CSTF3: variants seen among roughly 807,000 people sequenced by gnomAD.
CSTF3 encodes the protein CF-1 77 kDa subunit.
A neutral mutation model predicts 105.8 loss-of-function variants in CSTF3; 29 were observed. That is an observed-to-expected ratio of 0.27 (90% CI 0.20 to 0.37). CSTF3 has a LOEUF of 0.37. Among genes scored for constraint, CSTF3 ranks in the 10% least tolerant of loss-of-function variants. The pLI, the probability that CSTF3 is intolerant of heterozygous loss-of-function variation, is 1.00. For synonymous variants in CSTF3, 252 were observed against 281.9 expected, an observed-to-expected ratio of 0.89 and a Z score of 1.06; for missense variants, 357 against 879.3, an observed-to-expected ratio of 0.41 and a Z score of 7.51.
rs530315911 is a variant in CSTF3, at chr11:33,128,026, C to A, written c.225+13641G>T. Among the ~76,000 whole-genome samples, 19 of 152,092 alleles carry A rather than the reference C, an allele frequency of 1.2e-4. No individual in the cohort carries two copies. The East Asian group carries it at 2.9e-3, about 23-fold the overall frequency. ...TAAAATAAGCAATCTTTTTTCTGTA[C>A]AAAATAAGTCAATTTAGAAACTGTA... On this transcript the variant is annotated intron_variant, in intron 3 of 20. Transcript: ENST00000323959.
chr11:33,114,395 A>T (rs939361301), intron 3 of CSTF3, among the ~76,000 whole-genome samples: 2 of 152,164 alleles, frequency 1.3e-5, no homozygotes, highest in African/African-American at 4.8e-5. Context: ...GAGAAATAAA[A>T]CTCTATGTCA....
chr11:33,132,649 T>C (rs536058393), intron 3 of CSTF3, among the ~76,000 whole-genome samples: 18 of 152,332 alleles, frequency 1.2e-4, no homozygotes, highest in African/African-American at 3.6e-4. Context: ...TTGGCAAATA[T>C]TCCCATGGAT....
chr11:33,105,199 C>T (rs893498793), intron 8 of CSTF3, among the ~76,000 whole-genome samples: 3 of 152,196 alleles, frequency 2.0e-5, no homozygotes, highest in South Asian at 4.1e-4. Flanking sequence ...CATCACATCA[C>T]TGTAATCAGG....
intron 1 of CSTF3, among the ~76,000 whole-genome samples, chr11:33,161,012 A>G (rs1849933481): frequency 6.6e-6 from 1 of 152,232 alleles, no homozygotes; most frequent in Non-Finnish European, 1.5e-5. Flanking sequence ...AACGATATCA[A>G]AGGAAAGCAT....
rs1484335393 is a variant in CSTF3 at position 33,099,016 on chromosome 11, C to G, written c.1053+18G>C. The G allele has an allele frequency of 9.6e-6, 15 of 1,559,574 alleles. No homozygotes were observed. Among genetic ancestry groups the G allele is most frequent in the Admixed American group, 4.8e-5 (2 of 41,878 alleles). On this transcript the variant is annotated intron_variant, in intron 12 of 20. Coordinates refer to ENST00000323959, the MANE Select transcript of CSTF3 (RefSeq NM_001326.3). This position sits in a 1 kb window ranked among gnomAD's most constrained non-coding sequence, Gnocchi z 4.1. ...TAAAAAATTGAATTATAAGAAGGCT[C>G]TAAACATTTTTACTTACCTCTTCAT...
At chr11:33,132,284 G>A (rs746820034) in intron 3 of CSTF3, among the ~76,000 whole-genome samples, 14 of 151,880 alleles carry the variant, frequency 9.2e-5, no homozygotes, top group Admixed American at 3.9e-4. Context: ...CACTGTTACA[G>A]TAACACAGTA....
chr11:33,136,903 T>C (rs765565901), intron 3 of CSTF3, among the ~76,000 whole-genome samples: 1 of 151,888 alleles, frequency 6.6e-6, no homozygotes, highest in Non-Finnish European at 1.5e-5. Flanking sequence ...TATTATGTTA[T>C]TCCATGAATG....
At chr11:33,089,489 C>T (rs1039790090) in intron 17 of CSTF3, among the ~76,000 whole-genome samples, 3 of 152,034 alleles carry the variant, frequency 2.0e-5, no homozygotes, top group Non-Finnish European at 4.4e-5. Context: ...TTCTAAGAAC[C>T]TATCAATGAT....
rs74727622 is a variant in CSTF3, at chr11:33,124,231, A to G, written c.226-15813T>C. On this transcript the variant is annotated intron_variant, in intron 3 of 20. Transcript: ENST00000323959. ...ACCTTAACACAAACTGGTAAAGTCCAGAGGCACTACCATAAAAATTTAGTT... is the reference window on the plus strand; with the variant it reads ...ACCTTAACACAAACTGGTAAAGTCCGGAGGCACTACCATAAAAATTTAGTT... Among the ~76,000 whole-genome samples, 988 of 152,240 alleles carry G rather than the reference A, an allele frequency of 6.5e-3. 6 individuals carry two copies. Among genetic ancestry groups the G allele is most frequent in the Middle Eastern group, 0.024 (7 of 294 alleles).
chr11:33,127,075 A>C (rs2133790400), intron 3 of CSTF3, among the ~76,000 whole-genome samples: 1 of 152,358 alleles, frequency 6.6e-6, no homozygotes, highest in Non-Finnish European at 1.5e-5. Context: ...GAGCTAATGT[A>C]GACAAAAGCC....
At chr11:33,101,005 T>A (rs1041910228) in intron 10 of CSTF3, among the ~76,000 whole-genome samples, 3 of 152,148 alleles carry the variant, frequency 2.0e-5, no homozygotes, top group African/African-American at 7.2e-5. Context: ...AGCAACTATC[T>A]AAATGTACTG....
intron 3 of CSTF3, among the ~76,000 whole-genome samples, chr11:33,131,795 T>C (rs923999129): frequency 6.6e-6 from 1 of 152,134 alleles, no homozygotes; most frequent in Non-Finnish European, 1.5e-5. Flanking sequence ...GAGCCTGCAG[T>C]GAGCAGAGAT....
At chr11:33,154,010 C>T (rs1459817293) in intron 1 of CSTF3, among the ~76,000 whole-genome samples, 1 of 152,040 alleles carries the variant, frequency 6.6e-6, no homozygotes, top group African/African-American at 2.4e-5. Context: ...AGCAGGTGGG[C>T]AGGAAAAATC....
At position 33,099,157 on chromosome 11, in the gene CSTF3, GA is replaced by G. The variant is rs746570937; in HGVS notation, c.937-8del. The G allele has an allele frequency of 1.9e-5, 29 of 1,566,798 alleles. No individual in the cohort carries two copies. Among genetic ancestry groups the G allele is most frequent in the South Asian group, 3.7e-5 (3 of 82,136 alleles). ...ATTTGGCATTATTCATATCCTGGTA[GA>G]AAAAAAAGAAAGCTCATCTTCAATA... On this transcript the variant is annotated splice_polypyrimidine_tract_variant and splice_region_variant and intron_variant, in intron 11 of 20. Coordinates refer to ENST00000323959, the MANE Select transcript of CSTF3 (RefSeq NM_001326.3). This position sits in a 1 kb window ranked among gnomAD's most constrained non-coding sequence, Gnocchi z 4.1.
Position 33,161,322 on chromosome 11 carries a change from A to G in CSTF3, c.4T>C (p.Ser2Pro). Residue 2 changes from serine to proline, a missense_variant, in exon 1 of 21, where the codon TCA becomes CCA. Around this residue, in one of 4 missense-constraint regions of CSTF3, gnomAD observed 78 missense variants for 180.4 expected, o/e 0.43. Transcript: ENST00000323959. The stretch of plus-strand genomic sequence containing the variant: ...ACCTGCTCCGTGGCTCCGTCTCCTG[A>G]CATGGCCTCAGCTGATTACAACGTG... M[S>P]GDGATEQAAE... The G allele has an allele frequency of 6.2e-7, 1 of 1,613,082 alleles. No individual in the cohort carries two copies. Among genetic ancestry groups the G allele is most frequent in the South Asian group, 1.1e-5 (1 of 91,082 alleles).
At chr11:33,105,451 A>T in intron 8 of CSTF3, 116 bp downstream of exon 8, 1 of 1,002,288 alleles carries the variant, frequency 1.0e-6, no homozygotes, top group Non-Finnish European at 1.4e-6. Context: ...TGCTTTCATT[A>T]CAATCAATAA....
chr11:33,094,810 C>A (rs1430312397), intron 15 of CSTF3, among the ~76,000 whole-genome samples: 1 of 151,640 alleles, frequency 6.6e-6, no homozygotes, highest in South Asian at 2.1e-4. Flanking sequence ...ATATCTAATT[C>A]TATAATCATT....
chr11:33,146,494 G>C (rs1458607061), intron 1 of CSTF3, among the ~76,000 whole-genome samples: 2 of 151,148 alleles, frequency 1.3e-5, no homozygotes, highest in African/African-American at 2.4e-5. Context: ...TCAAGGATGC[G>C]GTGAGCTATA....
At chr11:33,108,066 G>A in intron 4 of CSTF3, 66 bp from the exon 5 acceptor site, 1 of 1,005,662 alleles carries the variant, frequency 9.9e-7, no homozygotes, top group Non-Finnish European at 1.4e-6. Flanking sequence ...TAGATGAAAT[G>A]GAACATTAAA....
Sources: gnomAD v4.1 joint callset for allele counts (sites outside exome capture counted in the v4.1 genomes callset) on GRCh38, gnomAD v4.1.1 for gene constraint, gnomAD v4.1.1 regional missense constraint, Gnocchi (gnomAD v3.1) non-coding constraint, MANE v1.5 for transcripts, NCBI Gene and HGNC (gene_info 2026-07-23, HGNC 2026-07-21) for gene names.